The following JAKMIP3 variants were observed in gnomAD, a reference collection of about 807,000 sequenced individuals.
JAKMIP3 encodes the protein Janus kinase and microtubule interacting protein 3.
JAKMIP3 carries 58 observed loss-of-function variants against 118.5 expected under a neutral mutation model. The ratio of observed to expected loss-of-function variants is 0.49; its 90% confidence interval spans 0.40 to 0.61. The LOEUF is 0.61. JAKMIP3 is among the 20% of genes least tolerant of loss of function. The pLI is 0.00. For missense variants in JAKMIP3, 950 were observed against 1,109.0 expected (o/e 0.86, Z 2.04); for synonymous variants, 486 against 451.2 (o/e 1.08, Z -0.98).
rs570248161 is a variant in JAKMIP3, at chr10:132,147,291, G to T, written c.1750-661G>T. ...CAGTCCCTGGAGCTCAGCTTCAGGG[G>T]ATGGACACAGCTGTCTGCCCCTGGT... On this transcript the variant is annotated intron_variant, in intron 13 of 23. Coordinates refer to ENST00000684848, the MANE Select transcript of JAKMIP3 (RefSeq NM_001323087.2). 3.9e-5 allele frequency among the ~76,000 whole-genome samples: 6 copies of T among 152,344 alleles called. No individual in the cohort carries two copies. In the East Asian group the frequency reaches 1.2e-3, roughly 29 times the overall value.
chr10:132,107,092 G>A (rs777661913), intron 2 of JAKMIP3, among the ~76,000 whole-genome samples: 1 of 148,510 alleles, frequency 6.7e-6, no homozygotes, highest in African/African-American at 2.5e-5. Flanking sequence ...ACTGGGTCTC[G>A]CCATTTTGCC....
At chr10:132,057,675 G>A (rs1298875941) in intron 1 of JAKMIP3, among the ~76,000 whole-genome samples, 1 of 152,206 alleles carries the variant, frequency 6.6e-6, no homozygotes, top group African/African-American at 2.4e-5. Flanking sequence ...TCCTGTGCAG[G>A]TATCTCTGCT....
Position 132,145,554 on chromosome 10 carries a change from C to T in JAKMIP3, c.1723C>T (p.Arg575Trp), listed in dbSNP as rs768264283. 25 of 1,565,146 alleles carry T rather than the reference C, an allele frequency of 1.6e-5. No individual in the cohort carries two copies. Among genetic ancestry groups the T allele is most frequent in the East Asian group, 1.2e-4 (5 of 42,052 alleles). The change falls in exon 13 of 24, where the codon CGG (arginine) becomes TGG (tryptophan). Residue 575 changes from arginine (R) to tryptophan (W), a missense_variant. Physicochemically the swap from Arg to Trp is moderately radical, Grantham distance 101. Coordinates refer to ENST00000684848, the MANE Select transcript of JAKMIP3 (RefSeq NM_001323087.2). ...KWIEEKQALYRRNQELVEKIK... is the reference protein window; with the variant it reads ...KWIEEKQALYWRNQELVEKIK... ...GATTGAAGAGAAGCAGGCACTGTAC[C>T]GGAGAAATCAAGAGCTTGTGGAAAA...
chr10:132,071,775 T>TTTTC (rs1435253063), intron 1 of JAKMIP3, among the ~76,000 whole-genome samples: 1 of 152,016 alleles, frequency 6.6e-6, no homozygotes, highest in Non-Finnish European at 1.5e-5. Flanking sequence ...GTTTCTTCTT[T>TTTTC]TTTCTTTCTT....
intron 13 of JAKMIP3, among the ~76,000 whole-genome samples, chr10:132,146,667 CAG>C (rs1162022258): frequency 4.6e-5 from 7 of 152,214 alleles, no homozygotes; most frequent in African/African-American, 1.7e-4. Context: ...GCCAACAGGA[CAG>C]AGCTTCAGAC....
At chr10:132,172,912 C>T (rs1314426285) in intron 23 of JAKMIP3, among the ~76,000 whole-genome samples, 1 of 150,924 alleles carries the variant, frequency 6.6e-6, no homozygotes, top group African/African-American at 2.4e-5. Context: ...CCTGTGCACA[C>T]CCACACACCT....
At chr10:132,139,452 ATG>A (rs36181834) in intron 9 of JAKMIP3, among the ~76,000 whole-genome samples, 38,303 of 146,528 alleles carry the variant, frequency 0.26, 5,725 homozygotes, top group Non-Finnish European at 0.34. Context: ...GTGAGTGTAT[ATG>A]TGTCTGCATG....
upstream of JAKMIP3, among the ~76,000 whole-genome samples, chr10:132,063,343 A>C (rs903700242): frequency 2.6e-5 from 4 of 152,318 alleles, no homozygotes; most frequent in Admixed American, 2.6e-4. Flanking sequence ...TGCTGGCTCC[A>C]TCCCAGGTGC....
chr10:132,157,367 T>A (rs1388288740), intron 19 of JAKMIP3, among the ~76,000 whole-genome samples: 3 of 152,120 alleles, frequency 2.0e-5, no homozygotes, highest in African/African-American at 7.2e-5. Context: ...TGTGAGCGCA[T>A]CATGGACTGT....
chr10:132,113,743 A>G (rs954031203), intron 2 of JAKMIP3, among the ~76,000 whole-genome samples: 1 of 152,188 alleles, frequency 6.6e-6, no homozygotes, highest in African/African-American at 2.4e-5. Context: ...TCAATTTTAT[A>G]TCGGAAACCT....
chr10:132,120,960 T>TG (rs929260338), intron 3 of JAKMIP3, among the ~76,000 whole-genome samples: 2 of 151,972 alleles, frequency 1.3e-5, no homozygotes, highest in African/African-American at 4.8e-5. Context: ...CGGCACAGCG[T>TG]GGTGTCCAGC....
At chr10:132,134,134 C>T (rs1334580185) in intron 4 of JAKMIP3, among the ~76,000 whole-genome samples, 1 of 152,232 alleles carries the variant, frequency 6.6e-6, no homozygotes, top group Admixed American at 6.5e-5. Flanking sequence ...CACTCATATC[C>T]TCTGTCGTGG....
At chr10:132,165,039 C>T (rs1163879139) in intron 21 of JAKMIP3, among the ~76,000 whole-genome samples, 1 of 152,242 alleles carries the variant, frequency 6.6e-6, no homozygotes, top group Non-Finnish European at 1.5e-5. Flanking sequence ...TCAGTTTCCC[C>T]ATCTGGAGCC....
chr10:132,120,806 C>A (rs993800056), intron 3 of JAKMIP3, among the ~76,000 whole-genome samples: 3 of 152,238 alleles, frequency 2.0e-5, no homozygotes, highest in Non-Finnish European at 2.9e-5. Flanking sequence ...TGAGAGAACA[C>A]CCCGGCCTCT....
chr10:132,180,241 GAC>G (rs1221007694), intron 23 of JAKMIP3, among the ~76,000 whole-genome samples: 1 of 152,182 alleles, frequency 6.6e-6, no homozygotes, highest in African/African-American at 2.4e-5. Flanking sequence ...TGTCCACAGA[GAC>G]ACTCTTGAGT....
chr10:132,154,505 C>T (rs557752224), intron 19 of JAKMIP3, among the ~76,000 whole-genome samples: 1 of 152,330 alleles, frequency 6.6e-6, no homozygotes, highest in East Asian at 1.9e-4. Context: ...GAGCTACTTC[C>T]CCCGTGACTG....
chr10:132,040,122 G>A (rs7088161), intron 1 of JAKMIP3, among the ~76,000 whole-genome samples: 19,461 of 152,068 alleles, frequency 0.13, 1,336 homozygotes, highest in Middle Eastern at 0.16. Context: ...GTATTGGGGG[G>A]GTGGGCCCTT....
At chr10:132,150,897 C>T (rs902642729) in intron 16 of JAKMIP3, among the ~76,000 whole-genome samples, 1 of 151,984 alleles carries the variant, frequency 6.6e-6, no homozygotes, top group African/African-American at 2.4e-5. Context: ...CTTCATCCAT[C>T]ATCCTTAATC....
At chr10:132,155,075 G>A (rs1258128826) in intron 19 of JAKMIP3, among the ~76,000 whole-genome samples, 1 of 10,446 alleles carries the variant, frequency 9.6e-5, no homozygotes, top group East Asian at 2.2e-3. Context: ...TGGTAATGGT[G>A]ATGCTGCTGG....
Sources: gnomAD v4.1 joint callset for allele counts (sites outside exome capture counted in the v4.1 genomes callset) on GRCh38, gnomAD v4.1.1 for gene constraint, MANE v1.5 for transcripts, NCBI Gene and HGNC (gene_info 2026-07-23, HGNC 2026-07-21) for gene names.